Variants in CDYL observed in about 807,000 individuals in gnomAD.
The protein encoded by CDYL is chromodomain Y-like protein.
In CDYL, 8 loss-of-function variants were observed where a neutral mutation model predicts 47.3. That is an observed-to-expected ratio of 0.17 (90% CI 0.10 to 0.31). The LOEUF (loss-of-function observed/expected upper bound fraction) is 0.31. Among genes scored for constraint, CDYL ranks in the 10% least tolerant of loss-of-function variants. CDYL has a pLI of 1.00. For synonymous variants in CDYL, 266 were observed against 265.0 expected, an observed-to-expected ratio of 1.00 and a Z score of -0.04; for missense variants, 471 against 701.4, an observed-to-expected ratio of 0.67 and a Z score of 3.71.
At chr6:4,909,355 A>C (rs2127499093) in intron 2 of CDYL, among the ~76,000 whole-genome samples, 2 of 152,298 alleles carry the variant, frequency 1.3e-5, no homozygotes, top group South Asian at 4.1e-4. Flanking sequence ...GCTCCAGCCG[A>C]AAGCCATGCC....
At chr6:4,769,534 G>A (rs1041883472) in intron 3 of CDYL, among the ~76,000 whole-genome samples, 1 of 152,098 alleles carries the variant, frequency 6.6e-6, no homozygotes, top group African/African-American at 2.4e-5. Flanking sequence ...TTTTTAAAAT[G>A]CTAAATGTAA....
At chr6:4,822,985 T>C (rs1759882712) in intron 1 of CDYL, among the ~76,000 whole-genome samples, 1 of 152,160 alleles carries the variant, frequency 6.6e-6, no homozygotes, top group Non-Finnish European at 1.5e-5. Context: ...CCCAATTCCT[T>C]CTGTGCTCTG....
At chr6:4,861,566 C>G (rs1157953041) in intron 1 of CDYL, among the ~76,000 whole-genome samples, 1 of 152,196 alleles carries the variant, frequency 6.6e-6, no homozygotes, top group Non-Finnish European at 1.5e-5. Flanking sequence ...AACCTGAATC[C>G]TAAGACATAG....
At chr6:4,833,325 T>C (rs1256830162) in intron 1 of CDYL, among the ~76,000 whole-genome samples, 2 of 150,788 alleles carry the variant, frequency 1.3e-5, no homozygotes, top group African/African-American at 2.5e-5. Flanking sequence ...TTCATTTCGT[T>C]ATGTCCCCAG....
chr6:4,952,435 G>A (rs746768779), intron 6 of CDYL, 26 bp downstream of exon 6: 20 of 1,579,382 alleles, frequency 1.3e-5, no homozygotes, highest in Admixed American at 3.8e-5. Context: ...TCTGTTACAC[G>A]TTACTTTTTA....
chr6:4,844,926 A>G (rs1331356401), intron 1 of CDYL, among the ~76,000 whole-genome samples: 3 of 152,234 alleles, frequency 2.0e-5, no homozygotes, highest in Admixed American at 6.5e-5. Flanking sequence ...AAGTTGTCAA[A>G]TAAATTGCCT....
At chr6:4,898,905 C>A (rs1338572347) in intron 2 of CDYL, among the ~76,000 whole-genome samples, 1 of 152,212 alleles carries the variant, frequency 6.6e-6, no homozygotes, top group Non-Finnish European at 1.5e-5. Context: ...TTGGAAGAGC[C>A]AAGGACTTTT....
Position 4,937,673 on chromosome 6 carries a change from T to C in CDYL, c.1057T>C (p.Tyr353His). ...SVFCCGLDFI[Y>H]FIRRLTDDRK... ...CTTCTGTTGTGGACTTGACTTTATT[T>C]ATTTTATACGACGTCTGACAGATGA... is the stretch of plus-strand genomic sequence containing the variant. Residue 353 changes from tyrosine to histidine, a missense_variant, in exon 4 of 7, where the codon TAT (tyrosine) becomes CAT (histidine). This residue lies in a region of CDYL where 103 missense variants were observed against 277.1 expected (regional missense o/e 0.37). Transcript: ENST00000397588. 1 of 1,614,130 alleles carries C rather than the reference T, an allele frequency of 6.2e-7. No individual in the cohort carries two copies. Among genetic ancestry groups the C allele is most frequent in the Non-Finnish European group, 8.5e-7 (1 of 1,179,982 alleles).
intron 1 of CDYL, chr6:4,714,840 G>A (rs775697458): frequency 1.3e-5 from 2 of 152,158 alleles, no homozygotes; most frequent in African/African-American, 2.4e-5. Flanking sequence ...TAGAGGCCTC[G>A]GTTATCCCAG....
intron 2 of CDYL, among the ~76,000 whole-genome samples, chr6:4,919,752 G>C (rs1464245909): frequency 6.6e-6 from 1 of 152,042 alleles, no homozygotes; most frequent in Non-Finnish European, 1.5e-5. Context: ...TTTTCCAATA[G>C]TTTTATTATA....
intron 1 of CDYL, among the ~76,000 whole-genome samples, chr6:4,787,765 CTTTTT>C (rs70974136): frequency 1.4e-5 from 1 of 69,432 alleles, no homozygotes; most frequent in African/African-American, 5.6e-5. Flanking sequence ...AAATTCAAGT[CTTTTT>C]TTTTTTTTTT....
chr6:4,850,371 T>G (rs1561668808), intron 1 of CDYL, among the ~76,000 whole-genome samples: 1 of 152,226 alleles, frequency 6.6e-6, no homozygotes, highest in African/African-American at 2.4e-5. Flanking sequence ...ATGTTCAGTT[T>G]GGTGACTTTT....
chr6:4,796,799 T>C (rs1759083313), intron 1 of CDYL, among the ~76,000 whole-genome samples: 1 of 152,202 alleles, frequency 6.6e-6, no homozygotes. Flanking sequence ...ACTTCAGTAG[T>C]ATCTTTTATC....
At chr6:4,733,714 T>G (rs917564144) in intron 2 of CDYL, among the ~76,000 whole-genome samples, 1 of 152,196 alleles carries the variant, frequency 6.6e-6, no homozygotes. Flanking sequence ...TATATTCGTT[T>G]AAAGGCTTTT....
At chr6:4,780,228 T>G (rs371119177) in intron 1 of CDYL, among the ~76,000 whole-genome samples, 2 of 151,538 alleles carry the variant, frequency 1.3e-5, no homozygotes, top group Non-Finnish European at 2.9e-5. Flanking sequence ...TCCTTTCCTT[T>G]CTTTCTTTCT....
chr6:4,872,737 A>C (rs1372020887), intron 1 of CDYL, among the ~76,000 whole-genome samples: 2 of 152,148 alleles, frequency 1.3e-5, no homozygotes, highest in African/African-American at 2.4e-5. Flanking sequence ...GTAGTTCCTA[A>C]CTTTGCCGTT....
chr6:4,724,846 A>T (rs1415789277), intron 2 of CDYL: 2 of 152,206 alleles, frequency 1.3e-5, no homozygotes, highest in African/African-American at 2.4e-5. Context: ...GCAAAAAAAT[A>T]AAGCTTCCAA....
intron 1 of CDYL, among the ~76,000 whole-genome samples, chr6:4,879,505 C>A (rs1430676916): frequency 6.6e-6 from 1 of 150,514 alleles, no homozygotes. Context: ...ATGAGAGTCT[C>A]CTGATATCTA....
intron 1 of CDYL, among the ~76,000 whole-genome samples, chr6:4,878,372 T>C (rs1761674418): frequency 6.6e-6 from 1 of 151,974 alleles, no homozygotes; most frequent in South Asian, 2.1e-4. Flanking sequence ...TGTGTGTGTG[T>C]GTAGAGGTTT....
Sources: gnomAD v4.1 joint callset for allele counts (sites outside exome capture counted in the v4.1 genomes callset) on GRCh38, gnomAD v4.1.1 for gene constraint, gnomAD v4.1.1 regional missense constraint, MANE v1.5 for transcripts, NCBI Gene and HGNC (gene_info 2026-07-23, HGNC 2026-07-21) for gene names.